Variants in ZFTA observed in about 807,000 individuals in gnomAD.
ZFTA encodes the protein zinc finger translocation-associated protein.
A neutral mutation model predicts 41.8 loss-of-function variants in ZFTA; 35 were observed. The ratio of observed to expected loss-of-function variants is 0.84; its 90% CI spans 0.64 to 1.11. The LOEUF (loss-of-function observed/expected upper bound fraction) is 1.11. ZFTA is among the 50% of genes most tolerant of loss of function. ZFTA has a pLI of 0.00. For synonymous variants in ZFTA, 514 were observed against 436.4 expected (o/e 1.18, Z -2.22); for missense variants, 964 against 989.8 (o/e 0.97, Z 0.35).
chr11:63,765,103 G>A lies in ZFTA; in HGVS notation c.789C>T (p.Ser263=), dbSNP rs1389178776. The A allele has an allele frequency of 2.6e-6, 4 of 1,548,562 alleles. No homozygotes were observed. The highest frequency in any genetic ancestry group is 2.4e-5 in the East Asian group (1 of 40,854). The change falls in exon 3 of 5, where the codon TCC becomes TCT. Residue 263 remains serine, a synonymous_variant. Transcript: ENST00000433688. This position sits in a 1 kb window ranked among gnomAD's most constrained non-coding sequence, Gnocchi z 4.0. ...ARRLERRLKE[S]LQNWFRAECL... Reference sequence around the variant, plus strand: ...ACTCGGCCCGGAACCAGTTCTGCAGGGACTCCTTCAGCCTCCTCTCCAGGC... The same window carrying A: ...ACTCGGCCCGGAACCAGTTCTGCAGAGACTCCTTCAGCCTCCTCTCCAGGC...
rs2014617273 is a variant in ZFTA, at chr11:63,760,922, T to C, written c.*2496A>G. The C allele has an allele frequency of 6.6e-6, 1 of 152,098 alleles. No individual in the cohort carries two copies. 9.4% of individuals were successfully genotyped at this position (152,098 alleles called of 1,614,324 possible). ...ACTGGTGTGTTTGGGGCTGTCTCAG[T>C]AAAGATGTCCACTCTCCTGAGGCCT... On this transcript the variant is annotated 3_prime_UTR_variant, in exon 5 of 5. Coordinates refer to ENST00000433688, the MANE Select transcript of ZFTA (RefSeq NM_001144936.2).
At position 63,765,214 on chromosome 11, in the gene ZFTA, T is replaced by C. The variant is rs2014727127; in HGVS notation, c.678A>G (p.Arg226=). The C allele has an allele frequency of 6.8e-7, 1 of 1,470,424 alleles. No individual in the cohort carries two copies. Among genetic ancestry groups the C allele is most frequent in the Non-Finnish European group, 8.9e-7 (1 of 1,117,394 alleles). The allele number at this position is 1,470,424 out of a possible 1,614,324, so 91.1% of individuals were successfully genotyped here. A position where few individuals can be genotyped will look rare whatever the true frequency, so the allele number is the denominator to read the frequency against. Reference sequence around the variant, plus strand: ...GAGCCCGGGGTGCCACTGGGCCCCCTCGCCGCTGGCGCCGGCAGCCCCCAC... The same window carrying C: ...GAGCCCGGGGTGCCACTGGGCCCCCCCGCCGCTGGCGCCGGCAGCCCCCAC... The part of the protein sequence containing the change: ...PAGGGCRRQR[R]GGPVAPRARR... Residue 226 remains arginine, a synonymous_variant, in exon 3 of 5, where the codon CGA becomes CGG. Transcript: ENST00000433688. The surrounding 1 kb of genome is among the most constrained non-coding windows in gnomAD (Gnocchi z 4.0).
chr11:63,764,291 GC>G lies in ZFTA; in HGVS notation c.1331del (p.Gly444AlafsTer8). On this transcript the variant is annotated frameshift_variant, in exon 4 of 5. Coordinates refer to ENST00000433688, the MANE Select transcript of ZFTA (RefSeq NM_001144936.2). LOFTEE classifies it high-confidence loss of function. ...RRGLVCGVCG[G>X]ALASLKMSTI... ...TGCTCATCTTGAGCGAGGCCAGCGC[GC>G]CCCCGCACACCCCGCACACCAGGCC... 1.4e-6 allele frequency: 2 copies of G among 1,453,218 alleles called. No homozygotes were observed. The highest frequency in any genetic ancestry group is 1.3e-5 in the South Asian group (1 of 76,042). The allele number at this position is 1,453,218 out of a possible 1,614,324, so 90.0% of individuals were successfully genotyped here. A position where few individuals can be genotyped will look rare whatever the true frequency, so the allele number is the denominator to read the frequency against.
chr11:63,763,981 T>C (rs990609708), intron 4 of ZFTA, 57 bp downstream of exon 4: 1 of 1,307,230 alleles, frequency 7.6e-7, no homozygotes, highest in African/African-American at 1.6e-5. Flanking sequence ...TCCAGTCCCT[T>C]CTGCCCCAGC....
Position 63,760,969 on chromosome 11 carries a change from G to C in ZFTA, c.*2449C>G, listed in dbSNP as rs1339730402. On this transcript the variant is annotated 3_prime_UTR_variant, in exon 5 of 5. Transcript: ENST00000433688. ...GCCTCTCTCTGCCTACGGAGGGGGG[G>C]GAATCTAACCCCTCTGCCCTGGCTT... The C allele has an allele frequency of 1.3e-5, 2 of 152,114 alleles. No homozygotes were observed. Among genetic ancestry groups the C allele is most frequent in the Admixed American group, 1.3e-4 (2 of 15,260 alleles). 9.4% of individuals were successfully genotyped at this position (152,114 alleles called of 1,614,324 possible). A position where few individuals can be genotyped will look rare whatever the true frequency, so the allele number is the denominator to read the frequency against.
In ZFTA at chr11:63,763,275, C is replaced by CGGGGGG. The variant is rs2014679262; in HGVS notation, c.*142_*143insCCCCCC. 1 of 513,386 alleles carries CGGGGGG rather than the reference C, an allele frequency of 1.9e-6. No homozygotes were observed. The highest frequency in any genetic ancestry group is 9.0e-5 in the South Asian group (1 of 11,104). The allele number at this position is 513,386 out of a possible 1,614,324, so 31.8% of individuals were successfully genotyped here. A position where few individuals can be genotyped will look rare whatever the true frequency, so the allele number is the denominator to read the frequency against. On this transcript the variant is annotated 3_prime_UTR_variant, in exon 5 of 5. Coordinates refer to ENST00000433688, the MANE Select transcript of ZFTA (RefSeq NM_001144936.2). ...GGCCCCACCCGATCCCCCGTCTCCGCCCGGCCCGGCCAGCGGGGGGCGCGG... is the reference window on the plus strand; with the variant it reads ...GGCCCCACCCGATCCCCCGTCTCCGCGGGGGGCCGGCCCGGCCAGCGGGGGGCGCGG...
rs1215209360 is a variant in ZFTA, at chr11:63,764,279, C to A, written c.1344G>T (p.Ser448=). The A allele has an allele frequency of 6.9e-7, 1 of 1,459,174 alleles. No homozygotes were observed. The highest frequency in any genetic ancestry group is 9.0e-7 in the Non-Finnish European group (1 of 1,112,926). 90.4% of individuals were successfully genotyped at this position (1,459,174 alleles called of 1,614,324 possible). Residue 448 remains serine, a synonymous_variant, in exon 4 of 5, where the codon TCG becomes TCT. Transcript: ENST00000433688. ...VCGVCGGALA[S]LKMSTIERHI... ...GGCGCTCGATGGTGCTCATCTTGAG[C>A]GAGGCCAGCGCGCCCCCGCACACCC...
Position 63,763,249 on chromosome 11 carries a change from T to C in ZFTA, c.*169A>G, listed in dbSNP as rs1422440397. ...CCAAGTGGCACCGCGCAGACGCCGG[T>C]GGCCCCACCCGATCCCCCGTCTCCG... On this transcript the variant is annotated 3_prime_UTR_variant, in exon 5 of 5. Transcript: ENST00000433688. 2.9e-5 allele frequency: 9 copies of C among 313,174 alleles called. No homozygotes were observed. The East Asian group carries it at 7.9e-4, about 27-fold the overall frequency. The allele number at this position is 313,174 out of a possible 1,614,324, so 19.4% of individuals were successfully genotyped here.
rs750330160 is a variant in ZFTA at position 63,765,862 on chromosome 11, TTCCTCCTCCTCC to T, written c.570_581del (p.Glu197_Glu200del). ...CGGCCCCCTCCTCCTCCTCCTCTTC[TTCCTCCTCCTCC>T]TCCTCCTCAGCCCCCTGGACCCCCA... is the stretch of plus-strand genomic sequence containing the variant. On this transcript the variant is annotated inframe_deletion, in exon 2 of 5. Transcript: ENST00000433688. The surrounding 1 kb of genome is among the most constrained non-coding windows in gnomAD (Gnocchi z 4.0). 1 of 1,183,044 alleles carries T rather than the reference TTCCTCCTCCTCC, an allele frequency of 8.5e-7. No individual in the cohort carries two copies. The highest frequency in any genetic ancestry group is 1.6e-5 in the African/African-American group (1 of 64,428). 73.3% of individuals were successfully genotyped at this position (1,183,044 alleles called of 1,614,324 possible). A position where few individuals can be genotyped will look rare whatever the true frequency, so the allele number is the denominator to read the frequency against.
rs934163883 is a variant in ZFTA at position 63,764,580 on chromosome 11, TGGG to T, written c.1040_1042del (p.Pro347del). 7.2e-6 allele frequency: 9 copies of T among 1,255,682 alleles called. No individual in the cohort carries two copies. Among genetic ancestry groups the T allele is most frequent in the Middle Eastern group, 4.1e-4 (2 of 4,856 alleles). 77.8% of individuals were successfully genotyped at this position (1,255,682 alleles called of 1,614,324 possible). On this transcript the variant is annotated inframe_deletion, in exon 4 of 5. Transcript: ENST00000433688. The stretch of plus-strand genomic sequence containing the variant: ...GTCCCGGCTCTTTCCGGTCAGGTCC[TGGG>T]GGGCGAGGTCATCGCCTGTTGGGGA...
Position 63,766,036 on chromosome 11 carries a change from G to GA in ZFTA, c.407dup (p.Lys137GlnfsTer52). 2 of 1,551,162 alleles carry GA rather than the reference G, an allele frequency of 1.3e-6. No individual in the cohort carries two copies. Among genetic ancestry groups the GA allele is most frequent in the Non-Finnish European group, 1.7e-6 (2 of 1,146,716 alleles). ...TGTGGCGCTTGATGGTGCTGAGCTT[G>GA]AGGGTGGCCAGGGAGCTGCCGCACA... On this transcript the variant is annotated frameshift_variant, in exon 2 of 5. Transcript: ENST00000433688. LOFTEE classifies it high-confidence loss of function.
intron 1 of ZFTA, 39 bp downstream of exon 1, chr11:63,768,445 G>A: frequency 1.8e-6 from 2 of 1,087,060 alleles, no homozygotes; most frequent in South Asian, 2.8e-5. Flanking sequence ...CTTCCCCCAC[G>A]CCGGGGCCCC....
intron 1 of ZFTA, among the ~76,000 whole-genome samples, chr11:63,766,577 C>G (rs2014749924): frequency 6.6e-6 from 1 of 152,154 alleles, no homozygotes; most frequent in Non-Finnish European, 1.5e-5. Flanking sequence ...AGGTGAGGGC[C>G]AAGGAGCCAA....
chr11:63,764,789 C>T, intron 3 of ZFTA, 79 bp downstream of exon 3: 2 of 1,423,606 alleles, frequency 1.4e-6, no homozygotes, highest in Non-Finnish European at 9.1e-7. Context: ...GCCCTAAGTC[C>T]CTGCCTCCCA....
rs1590912362 is a variant in ZFTA, at chr11:63,768,552, G to A, written c.71C>T (p.Ser24Leu). The change falls in exon 1 of 5, where the codon TCG becomes TTG. Residue 24 changes from serine to leucine, a missense_variant. Ser to Leu is a moderately radical substitution (Grantham distance 145, BLOSUM62 -2). Coordinates refer to ENST00000433688, the MANE Select transcript of ZFTA (RefSeq NM_001144936.2). The stretch of plus-strand genomic sequence containing the variant: ...GGGCGGCAGCCGTCGGCCCCGTGCC[G>A]AGGCCACTGCTGGCCCGGGGCCGCC... The part of the protein sequence containing the change: ...GRGGPGPAVA[S>L]ARGRRLPPAG... 2 of 1,124,454 alleles carry A rather than the reference G, an allele frequency of 1.8e-6. No individual in the cohort carries two copies. The highest frequency in any genetic ancestry group is 2.5e-5 in the South Asian group (1 of 40,328). The allele number at this position is 1,124,454 out of a possible 1,614,324, so 69.7% of individuals were successfully genotyped here. A position where few individuals can be genotyped will look rare whatever the true frequency, so the allele number is the denominator to read the frequency against.
chr11:63,763,859 C>T lies in ZFTA; in HGVS notation c.1596G>A (p.Pro532=). The change falls in exon 5 of 5, where the codon CCG becomes CCA. Residue 532 remains proline, a synonymous_variant. Coordinates refer to ENST00000433688, the MANE Select transcript of ZFTA (RefSeq NM_001144936.2). The stretch of plus-strand genomic sequence containing the variant: ...GCTCCAAGGGAGCTCCAGGGGACAG[C>T]GGAACGTCGCCTAAGGAGGGACAAA... ...EEEEEEWGDV[P]LSPGAPLERP... is the part of the protein sequence containing the mutation. 2.1e-6 allele frequency: 3 copies of T among 1,424,424 alleles called. No homozygotes were observed. Among genetic ancestry groups the T allele is most frequent in the South Asian group, 1.6e-5 (1 of 64,310 alleles). The allele number at this position is 1,424,424 out of a possible 1,614,324, so 88.2% of individuals were successfully genotyped here.
chr11:63,764,199 A>T lies in ZFTA; in HGVS notation c.1424T>A (p.Leu475His). ...CTTCTCGCTCCACTCCCGGGCGATG[A>T]GGGCCTGGACAGGCCCGCCGAGGCG... ...STRLGGPVQALIAREWSEKAA... is the reference protein window; with the variant it reads ...STRLGGPVQAHIAREWSEKAA... Residue 475 changes from leucine (L) to histidine (H), a missense_variant, in exon 4 of 5, where the codon CTC (leucine) becomes CAC (histidine). Physicochemically the swap from Leu to His is moderately conservative, Grantham distance 99. This residue lies in a region of ZFTA where 584 missense variants were observed against 523.1 expected (regional missense o/e 1.12). Transcript: ENST00000433688. 2.1e-6 allele frequency: 3 copies of T among 1,395,598 alleles called. No homozygotes were observed. The highest frequency in any genetic ancestry group is 2.8e-6 in the Non-Finnish European group (3 of 1,085,074). 86.5% of individuals were successfully genotyped at this position (1,395,598 alleles called of 1,614,324 possible). A position where few individuals can be genotyped will look rare whatever the true frequency, so the allele number is the denominator to read the frequency against.
rs1282814028 is a variant in ZFTA, at chr11:63,763,490, G to A, written c.1965C>T (p.Gly655=). The change falls in exon 5 of 5, where the codon GGC becomes GGT. Residue 655 remains glycine, a synonymous_variant. Transcript: ENST00000433688. Reference sequence around the variant, plus strand: ...GCGGCGCCGGGGCGGGCGGCCCGAAGCCCTCGTGGCCGTAGCAGCGCAGCG... The same window carrying A: ...GCGGCGCCGGGGCGGGCGGCCCGAAACCCTCGTGGCCGTAGCAGCGCAGCG... ...EAALRCYGHE[G]FGPPAPAPRD... 14 of 1,526,542 alleles carry A rather than the reference G, an allele frequency of 9.2e-6. No homozygotes were observed. Among genetic ancestry groups the A allele is most frequent in the Non-Finnish European group, 1.2e-5 (14 of 1,134,634 alleles). 94.6% of individuals were successfully genotyped at this position (1,526,542 alleles called of 1,614,324 possible). A position where few individuals can be genotyped will look rare whatever the true frequency, so the allele number is the denominator to read the frequency against.
rs534055069 is a variant in ZFTA, at chr11:63,761,659, T to G, written c.*1759A>C. ...ATCATCTCGGTTCCTGGGCTCCAAT[T>G]TACCTATCTGTGAAGGTGAGGAGGG... On this transcript the variant is annotated 3_prime_UTR_variant, in exon 5 of 5. Coordinates refer to ENST00000433688, the MANE Select transcript of ZFTA (RefSeq NM_001144936.2). The G allele has an allele frequency of 6.6e-6, 1 of 152,330 alleles. No individual in the cohort carries two copies. Among genetic ancestry groups the G allele is most frequent in the Non-Finnish European group, 1.5e-5 (1 of 68,128 alleles). 9.4% of individuals were successfully genotyped at this position (152,330 alleles called of 1,614,324 possible).
Sources: gnomAD v4.1 joint callset for allele counts (sites outside exome capture counted in the v4.1 genomes callset) on GRCh38, gnomAD v4.1.1 for gene constraint, gnomAD v4.1.1 regional missense constraint, Gnocchi (gnomAD v3.1) non-coding constraint, MANE v1.5 for transcripts, NCBI Gene and HGNC (gene_info 2026-07-23, HGNC 2026-07-21) for gene names.